Variants in COX7A2 observed in about 807,000 individuals in gnomAD.
The protein encoded by COX7A2 is cytochrome c oxidase subunit 7A2.
In COX7A2, 11 loss-of-function variants were observed where a neutral mutation model predicts 11.6. The ratio of observed to expected loss-of-function variants is 0.95; its 90% CI spans 0.60 to 1.57. The LOEUF (loss-of-function observed/expected upper bound fraction) is 1.57, where lower values mean the gene tolerates loss of function less well. Ranked by LOEUF, COX7A2 falls within the 40% of genes most tolerant of loss-of-function variation. COX7A2 has a pLI of 0.00. For synonymous variants in COX7A2, 30 were observed against 38.2 expected (o/e 0.78, Z 0.79); for missense variants, 106 against 100.9 (o/e 1.05, Z -0.22).
upstream of COX7A2, among the ~76,000 whole-genome samples, chr6:75,245,808 C>T (rs1771668554): frequency 6.6e-6 from 1 of 152,216 alleles, no homozygotes; most frequent in East Asian, 1.9e-4. Context: ...TTCACCTTCT[C>T]CATCTATTAG....
chr6:75,240,342 T>C lies in COX7A2; in HGVS notation c.152A>G (p.Asp51Gly). The change falls in exon 3 of 4, where the codon GAT becomes GGT. Residue 51 changes from aspartate to glycine, a missense_variant. By Grantham distance (94) the Asp-to-Gly change is moderately conservative (BLOSUM62 -1). Coordinates refer to ENST00000684430, the MANE Select transcript of COX7A2 (RefSeq NM_001366293.2). ...IPLYLKGGVA[D>G]ALLYRATMIL... The stretch of plus-strand genomic sequence containing the variant: ...CATGGTGGCTCTATACAGGAGGGCA[T>C]CAGCTACCCCACCCTTTAGATACAG... 1.2e-6 allele frequency: 2 copies of C among 1,607,898 alleles called. No individual in the cohort carries two copies. The highest frequency in any genetic ancestry group is 1.7e-6 in the Non-Finnish European group (2 of 1,178,478).
downstream of COX7A2, chr6:75,237,772 T>C: frequency 4.3e-6 from 2 of 470,202 alleles, no homozygotes; most frequent in Non-Finnish European, 7.6e-6. Flanking sequence ...CATAAAGTGA[T>C]AAAATCAGAC....
At chr6:75,243,978 G>A (rs1444212389), upstream of COX7A2, 2 of 661,190 alleles carry the variant, frequency 3.0e-6, no homozygotes, top group Non-Finnish European at 5.1e-6. Flanking sequence ...CCTTTTCGAT[G>A]TTCAGTAGGC....
At chr6:75,238,147 A>G (rs1160833476) in intron 3 of COX7A2, among the ~76,000 whole-genome samples, 159 bp from the exon 4 acceptor site, 1 of 151,816 alleles carries the variant, frequency 6.6e-6, no homozygotes, top group African/African-American at 2.4e-5. Context: ...TTAAATAAAT[A>G]TATGTAAAAT....
upstream of COX7A2, among the ~76,000 whole-genome samples, chr6:75,244,263 C>T (rs1479180590): frequency 6.6e-6 from 1 of 152,200 alleles, no homozygotes; most frequent in African/African-American, 2.4e-5. Flanking sequence ...TGCTGCGGCA[C>T]ATTACTGTTC....
chr6:75,246,466 A>G (rs76454763), upstream of COX7A2, among the ~76,000 whole-genome samples: 3,480 of 152,292 alleles, frequency 0.023, 84 homozygotes, highest in East Asian at 0.11. Flanking sequence ...TGTTCAGATT[A>G]TGTCAAAAGC....
upstream of COX7A2, among the ~76,000 whole-genome samples, chr6:75,248,613 C>A (rs1355821825): frequency 1.3e-5 from 2 of 152,236 alleles, no homozygotes; most frequent in African/African-American, 4.8e-5. Flanking sequence ...ATCCCAACCA[C>A]CTTGGGCACA....
chr6:75,248,422 T>C (rs1771723823), upstream of COX7A2, among the ~76,000 whole-genome samples: 1 of 152,164 alleles, frequency 6.6e-6, no homozygotes. Flanking sequence ...ATTTCTTTTC[T>C]ATTGATCCCA....
upstream of COX7A2, among the ~76,000 whole-genome samples, chr6:75,246,318 CTTTG>C (rs1441222925): frequency 6.6e-6 from 1 of 152,194 alleles, no homozygotes; most frequent in Non-Finnish European, 1.5e-5. Flanking sequence ...AAGCCTTAAA[CTTTG>C]TTTTCTATCA....
chr6:75,239,299 T>TGG (rs1771417523), intron 3 of COX7A2, among the ~76,000 whole-genome samples: 1 of 152,144 alleles, frequency 6.6e-6, no homozygotes, highest in African/African-American at 2.4e-5. Flanking sequence ...GTGTGGAAAC[T>TGG]GAACTGGAGG....
chr6:75,246,691 T>C (rs565102022), upstream of COX7A2, among the ~76,000 whole-genome samples: 2 of 152,332 alleles, frequency 1.3e-5, no homozygotes, highest in South Asian at 2.1e-4. Flanking sequence ...GAATGGACTA[T>C]TGAGTATAAA....
chr6:75,238,789 T>C (rs1299701724), intron 3 of COX7A2, among the ~76,000 whole-genome samples: 3 of 151,356 alleles, frequency 2.0e-5, no homozygotes, highest in African/African-American at 7.3e-5. Context: ...AATGTCACAT[T>C]GGCCAAAAGG....
chr6:75,238,366 A>AC (rs1039491368), intron 3 of COX7A2, among the ~76,000 whole-genome samples: 1 of 152,110 alleles, frequency 6.6e-6, no homozygotes, highest in Admixed American at 6.5e-5. Flanking sequence ...TGAATGTAAA[A>AC]AAAAAGAGTG....
chr6:75,237,909 C>A lies in COX7A2; in HGVS notation c.*21G>T, dbSNP rs773507804. On this transcript the variant is annotated 3_prime_UTR_variant, in exon 4 of 4. Transcript: ENST00000684430. ...GAGAGCTGAATGAAACTGAACCAAG[C>A]GATTGCTGGGATGACTGAAGTCACT... 2 of 1,600,124 alleles carry A rather than the reference C, an allele frequency of 1.2e-6. No homozygotes were observed. The highest frequency in any genetic ancestry group is 8.6e-7 in the Non-Finnish European group (1 of 1,169,294).
intron 3 of COX7A2, among the ~76,000 whole-genome samples, chr6:75,239,100 C>A (rs983901974): frequency 6.6e-6 from 1 of 152,192 alleles, no homozygotes; most frequent in African/African-American, 2.4e-5. Flanking sequence ...CAGGCATGAG[C>A]CACCATGCCC....
chr6:75,238,085 G>A, intron 3 of COX7A2, 97 bp from the exon 4 acceptor site: 1 of 714,458 alleles, frequency 1.4e-6, no homozygotes, highest in Middle Eastern at 2.8e-4. Context: ...TTTGCATTAA[G>A]ACTACCTTAA....
At chr6:75,247,690 A>ATT (rs201436077), upstream of COX7A2, among the ~76,000 whole-genome samples, 6 of 147,952 alleles carry the variant, frequency 4.1e-5, no homozygotes, top group South Asian at 2.1e-4. Flanking sequence ...CTAATCTCTG[A>ATT]TTTTTTTTTT....
chr6:75,243,454 G>T (rs766982955), intron 1 of COX7A2, among the ~76,000 whole-genome samples: 6 of 152,086 alleles, frequency 3.9e-5, no homozygotes, highest in Non-Finnish European at 7.4e-5. Context: ...TAGAGGTGGT[G>T]ACTAAGAACC....
At chr6:75,239,457 C>T (rs114088661) in intron 3 of COX7A2, among the ~76,000 whole-genome samples, 99 of 152,296 alleles carry the variant, frequency 6.5e-4, no homozygotes, top group African/African-American at 2.3e-3. Flanking sequence ...AAAATGAGGA[C>T]ATATTATAGA....
Sources: allele counts gnomAD v4.1 joint callset (sites outside exome capture counted in the v4.1 genomes callset), GRCh38; gene constraint gnomAD v4.1.1; transcripts MANE v1.5; gene names NCBI Gene and HGNC (gene_info 2026-07-23, HGNC 2026-07-21).